Variants in ALMS1 observed in about 807,000 individuals in gnomAD.
ALMS1 encodes ALMS1 centrosome and basal body associated protein, also known as centrosome-associated protein ALMS1.
ALMS1 carries 271 observed loss-of-function variants against 352.2 expected under a neutral mutation model. The ratio of observed to expected loss-of-function variants is 0.77; its 90% confidence interval spans 0.70 to 0.85. ALMS1 has a LOEUF of 0.85. ALMS1 is among the 40% of genes least tolerant of loss of function. The pLI, the probability that ALMS1 is intolerant of heterozygous loss-of-function variation, is 0.00. For synonymous variants in ALMS1, 1,865 were observed against 1,761.2 expected, an observed-to-expected ratio of 1.06 and a Z score of -1.48; for missense variants, 5,445 against 4,870.7, an observed-to-expected ratio of 1.12 and a Z score of -3.51.
At chr2:73,513,985 T>G (rs1673505498) in intron 10 of ALMS1, among the ~76,000 whole-genome samples, 1 of 152,040 alleles carries the variant, frequency 6.6e-6, no homozygotes, top group Admixed American at 6.6e-5. Flanking sequence ...TTGTTTGGGA[T>G]GGGAAAGATA....
At chr2:73,486,650 T>A (rs1282138746) in intron 9 of ALMS1, among the ~76,000 whole-genome samples, 1 of 152,234 alleles carries the variant, frequency 6.6e-6, no homozygotes, top group Non-Finnish European at 1.5e-5. Context: ...GGTCCCTAGA[T>A]CTCTAGCTAA....
intron 9 of ALMS1, among the ~76,000 whole-genome samples, chr2:73,465,432 C>T (rs918535979): frequency 2.8e-4 from 43 of 152,080 alleles, no homozygotes; most frequent in Non-Finnish European, 5.0e-4. Context: ...ACTGGCTAGC[C>T]ATATGTAGAA....
chr2:73,408,591 T>G, intron 1 of ALMS1, 31 bp from the exon 2 acceptor site: 1 of 1,606,466 alleles, frequency 6.2e-7, no homozygotes, highest in Non-Finnish European at 8.5e-7. Context: ...ATTGTGTTAT[T>G]ACTCTATTTA....
chr2:73,446,249 C>G (rs527933311), intron 7 of ALMS1, among the ~76,000 whole-genome samples: 2 of 150,732 alleles, frequency 1.3e-5, no homozygotes, highest in South Asian at 4.2e-4. Flanking sequence ...CATCTTAACT[C>G]CTTAGCTATT....
At chr2:73,422,722 T>G (rs1671308016) in intron 3 of ALMS1, 135 bp from the exon 4 acceptor site, 1 of 746,778 alleles carries the variant, frequency 1.3e-6, no homozygotes, top group Non-Finnish European at 2.3e-6. Flanking sequence ...CTACTGCTGT[T>G]GCTTTTATAT....
chr2:73,414,473 G>GTTTTTTTTTTTGGTTTTTTTT (rs1671141287), intron 2 of ALMS1, among the ~76,000 whole-genome samples: 1 of 66,416 alleles, frequency 1.5e-5, no homozygotes, highest in Non-Finnish European at 3.2e-5. Flanking sequence ...CTTTTTTTCC[G>GTTTTTTTTTTTGGTTTTTTTT]TTTTTTTTTT....
intron 15 of ALMS1, among the ~76,000 whole-genome samples, chr2:73,559,632 A>G (rs1051477994): frequency 1.3e-5 from 2 of 152,212 alleles, no homozygotes; most frequent in African/African-American, 4.8e-5. Flanking sequence ...TCTTAGAGGA[A>G]GATGGAACAG....
intron 16 of ALMS1, among the ~76,000 whole-genome samples, chr2:73,582,126 T>A (rs1415722351): frequency 6.6e-6 from 1 of 152,216 alleles, no homozygotes; most frequent in African/African-American, 2.4e-5. Flanking sequence ...CTATTGCTCT[T>A]TGCCCATCCT....
At chr2:73,387,261 AG>A (rs1192236004) in intron 1 of ALMS1, among the ~76,000 whole-genome samples, 1 of 152,242 alleles carries the variant, frequency 6.6e-6, no homozygotes, top group Non-Finnish European at 1.5e-5. Flanking sequence ...CTGGGTGCTA[AG>A]GAAAGCTTGG....
intron 9 of ALMS1, among the ~76,000 whole-genome samples, chr2:73,486,173 T>A (rs1382775751): frequency 1.3e-5 from 2 of 152,036 alleles, no homozygotes. Context: ...TATATGTTAG[T>A]ATATATGTTA....
chr2:73,506,265 A>G (rs1444800938), intron 10 of ALMS1, among the ~76,000 whole-genome samples: 1 of 152,190 alleles, frequency 6.6e-6, no homozygotes, highest in African/African-American at 2.4e-5. Flanking sequence ...TGTTGTGGCT[A>G]TACGGGCTCT....
Position 73,606,519 on chromosome 2 carries a change from C to T in ALMS1, c.12363-1956C>T, listed in dbSNP as rs1228520400. ...ATCTCCTAAAATGTATCAATGCTTTCGACGAGAAATATATGAGTGGATTTA... is the reference window on the plus strand; with the variant it reads ...ATCTCCTAAAATGTATCAATGCTTTTGACGAGAAATATATGAGTGGATTTA... On this transcript the variant is annotated intron_variant, in intron 21 of 22. Coordinates refer to ENST00000613296, the MANE Select transcript of ALMS1 (RefSeq NM_001378454.1). Among the ~76,000 whole-genome samples the T allele has an allele frequency of 3.9e-5, 6 of 152,192 alleles. No individual in the cohort carries two copies. In the East Asian group the frequency reaches 5.8e-4, roughly 15 times the overall value.
intron 11 of ALMS1, among the ~76,000 whole-genome samples, chr2:73,522,944 T>C (rs1673715842): frequency 6.6e-6 from 1 of 152,230 alleles, no homozygotes; most frequent in Non-Finnish European, 1.5e-5. Context: ...AGCTGCTCTA[T>C]GTTTTGCTTT....
chr2:73,592,668 A>G (rs1434677689), intron 16 of ALMS1, among the ~76,000 whole-genome samples: 2 of 152,220 alleles, frequency 1.3e-5, no homozygotes, highest in South Asian at 4.1e-4. Flanking sequence ...GTGTAGGGTC[A>G]TATCAGAAAA....
In ALMS1 at chr2:73,411,453, G is replaced by A. The variant is rs1450910497; in HGVS notation, c.450+2706G>A. ...TGTCACTTTGTTATAGCAGCCCTAGGAAACTAATACCGGGTCATATTTCTA... is the reference window on the plus strand; with the variant it reads ...TGTCACTTTGTTATAGCAGCCCTAGAAAACTAATACCGGGTCATATTTCTA... On this transcript the variant is annotated intron_variant, in intron 2 of 22. Coordinates refer to ENST00000613296, the MANE Select transcript of ALMS1 (RefSeq NM_001378454.1). 2.0e-5 allele frequency among the ~76,000 whole-genome samples: 3 copies of A among 152,106 alleles called. 1 individual carries two copies. Among genetic ancestry groups the A allele is most frequent in the African/African-American group, 7.2e-5 (3 of 41,426 alleles).
At chr2:73,469,328 T>A (rs1199794391) in intron 9 of ALMS1, among the ~76,000 whole-genome samples, 1 of 151,828 alleles carries the variant, frequency 6.6e-6, no homozygotes, top group African/African-American at 2.4e-5. Context: ...AATTGAGCAT[T>A]AAAATCTAGA....
In ALMS1 at chr2:73,573,116, A is replaced by G; in HGVS notation, c.11239A>G (p.Thr3747Ala). Residue 3747 changes from threonine to alanine, a missense_variant, in exon 16 of 23, where the codon ACA becomes GCA. Transcript: ENST00000613296. ...GCCCTCAGAGGAGAGTGAGCTGCTC[A>G]CAGATACTACCACCAACATCCTTTC... is the stretch of plus-strand genomic sequence containing the variant. The part of the protein sequence containing the change: ...CRPSEESELL[T>A]DTTTNILSGT... 1.2e-6 allele frequency: 2 copies of G among 1,614,108 alleles called. No individual in the cohort carries two copies. Among genetic ancestry groups the G allele is most frequent in the South Asian group, 2.2e-5 (2 of 91,082 alleles).
At chr2:73,405,711 T>G (rs538349711) in intron 1 of ALMS1, among the ~76,000 whole-genome samples, 3 of 152,228 alleles carry the variant, frequency 2.0e-5, no homozygotes, top group Non-Finnish European at 4.4e-5. Context: ...GACTGTAGAT[T>G]ACCTTCTTAG....
At chr2:73,494,044 A>C (rs1465129987) in intron 10 of ALMS1, among the ~76,000 whole-genome samples, 1 of 152,234 alleles carries the variant, frequency 6.6e-6, no homozygotes, top group Non-Finnish European at 1.5e-5. Flanking sequence ...ATATGCTTCC[A>C]GCCTCACTCA....
Sources: gnomAD v4.1 joint callset for allele counts (sites outside exome capture counted in the v4.1 genomes callset) on GRCh38, gnomAD v4.1.1 for gene constraint, MANE v1.5 for transcripts, NCBI Gene and HGNC (gene_info 2026-07-23, HGNC 2026-07-21) for gene names.